The following NFKB1 variants were observed in gnomAD, a reference collection of about 807,000 sequenced individuals.
NFKB1 encodes the protein nuclear factor NF-kappa-B p105 subunit.
Under a neutral mutation model 105.1 loss-of-function variants are expected in NFKB1, and 9 were observed. The ratio of observed to expected loss-of-function variants is 0.09; its 90% CI spans 0.05 to 0.15. The LOEUF (loss-of-function observed/expected upper bound fraction) is 0.15. Among genes scored for constraint, NFKB1 ranks in the 10% least tolerant of loss-of-function variants. The pLI is 1.00. For missense variants in NFKB1, 830 were observed against 1,203.7 expected, an observed-to-expected ratio of 0.69 and a Z score of 4.59; for synonymous variants, 440 against 442.2, an observed-to-expected ratio of 1.00 and a Z score of 0.06.
chr4:102,524,529 G>A (rs563250330), intron 1 of NFKB1, among the ~76,000 whole-genome samples: 2 of 152,132 alleles, frequency 1.3e-5, no homozygotes, highest in African/African-American at 2.4e-5. Flanking sequence ...CAGACTGGGG[G>A]CTGGGGGTGA....
At chr4:102,605,795 T>A (rs1727667653) in intron 16 of NFKB1, among the ~76,000 whole-genome samples, 1 of 152,180 alleles carries the variant, frequency 6.6e-6, no homozygotes, top group Admixed American at 6.5e-5. Flanking sequence ...TTTTATGAAA[T>A]GGGTGTAGGA....
chr4:102,521,562 A>T (rs1740574131), intron 1 of NFKB1, among the ~76,000 whole-genome samples: 1 of 152,216 alleles, frequency 6.6e-6, no homozygotes, highest in Non-Finnish European at 1.5e-5. Context: ...TTTATTTTTT[A>T]AAATGAAATC....
At chr4:102,522,002 C>T (rs1019311993) in intron 1 of NFKB1, among the ~76,000 whole-genome samples, 1 of 152,162 alleles carries the variant, frequency 6.6e-6, no homozygotes, top group African/African-American at 2.4e-5. Flanking sequence ...AGAGATTAGT[C>T]CCATCTTCTC....
chr4:102,502,406 A>G (rs1404957173), intron 1 of NFKB1, among the ~76,000 whole-genome samples: 6 of 140,580 alleles, frequency 4.3e-5, no homozygotes, highest in African/African-American at 7.8e-5. Flanking sequence ...ACACACACAC[A>G]CACACACACA....
chr4:102,598,348 C>G (rs374358749), intron 15 of NFKB1, among the ~76,000 whole-genome samples: 8 of 152,328 alleles, frequency 5.3e-5, no homozygotes, highest in South Asian at 2.1e-4. Context: ...ATAAAAATAA[C>G]AAGAGACAGC....
At chr4:102,578,125 GCT>G (rs1020526588) in intron 7 of NFKB1, 2 of 315,428 alleles carry the variant, frequency 6.3e-6, no homozygotes, top group African/African-American at 4.5e-5. Flanking sequence ...TTCTATTTTT[GCT>G]CTCTCCTCTT....
chr4:102,574,288 G>A (rs577407648), intron 6 of NFKB1, among the ~76,000 whole-genome samples: 1 of 152,268 alleles, frequency 6.6e-6, no homozygotes, highest in African/African-American at 2.4e-5. Context: ...TGACATCATT[G>A]CTAAGGCAGT....
intron 5 of NFKB1, 95 bp from the exon 6 acceptor site, chr4:102,566,892 A>G (rs992352219): frequency 5.4e-6 from 7 of 1,288,880 alleles, no homozygotes; most frequent in Non-Finnish European, 7.7e-6. Context: ...ATAACTTTAT[A>G]TTGTACTTTT....
chr4:102,589,473 G>GTT (rs946828956), intron 11 of NFKB1, among the ~76,000 whole-genome samples: 1 of 145,298 alleles, frequency 6.9e-6, no homozygotes. Context: ...GGCAACCTTG[G>GTT]TTTTTTTTTT....
chr4:102,614,593 G>A (rs1292800056), intron 23 of NFKB1, among the ~76,000 whole-genome samples: 2 of 152,032 alleles, frequency 1.3e-5, no homozygotes. Context: ...CTGCAGTTGG[G>A]ATCGCATCCC....
intron 2 of NFKB1, 137 bp downstream of exon 2, chr4:102,525,694 C>G (rs1007474764): frequency 1.1e-5 from 8 of 746,150 alleles, no homozygotes; most frequent in Non-Finnish European, 1.5e-5. Flanking sequence ...TTTCTCTGTC[C>G]TTTCATGTGA....
chr4:102,545,481 T>C (rs67517559), intron 5 of NFKB1, among the ~76,000 whole-genome samples: 2,704 of 152,210 alleles, frequency 0.018, 39 homozygotes, highest in African/African-American at 0.045. Flanking sequence ...AATGAGGAAA[T>C]TGAAGCCTAG....
intron 4 of NFKB1, among the ~76,000 whole-genome samples, chr4:102,536,240 T>A (rs915095421): frequency 6.6e-6 from 1 of 152,152 alleles, no homozygotes; most frequent in Admixed American, 6.6e-5. Flanking sequence ...AAATTATTTT[T>A]AAATATGAAT....
At chr4:102,598,746 C>T (rs1726865065) in intron 15 of NFKB1, among the ~76,000 whole-genome samples, 1 of 152,188 alleles carries the variant, frequency 6.6e-6, no homozygotes, top group African/African-American at 2.4e-5. Flanking sequence ...AGTGGCATTT[C>T]CAGGGACCTG....
intron 16 of NFKB1, among the ~76,000 whole-genome samples, chr4:102,602,374 CAAAAA>C (rs766610640): frequency 4.8e-4 from 55 of 113,664 alleles, no homozygotes; most frequent in African/African-American, 1.6e-3. Context: ...ACTAGAAATA[CAAAAA>C]AAAAAAAAAA....
At chr4:102,577,754 C>G (rs1724974822) in intron 7 of NFKB1, 2 of 907,666 alleles carry the variant, frequency 2.2e-6, no homozygotes, top group African/African-American at 1.8e-5. Flanking sequence ...CTGACTCCCC[C>G]TCCTCGCCTG....
At chr4:102,524,756 C>T (rs1170121009) in intron 1 of NFKB1, among the ~76,000 whole-genome samples, 1 of 152,108 alleles carries the variant, frequency 6.6e-6, no homozygotes, top group Non-Finnish European at 1.5e-5. Context: ...GCGTTAGATT[C>T]TCATAAGGAG....
At chr4:102,566,567 G>T (rs958100986) in intron 5 of NFKB1, among the ~76,000 whole-genome samples, 8 of 152,142 alleles carry the variant, frequency 5.3e-5, no homozygotes, top group African/African-American at 1.9e-4. Flanking sequence ...TTCTTCCTTT[G>T]ATTTCCATCA....
intron 2 of NFKB1, among the ~76,000 whole-genome samples, chr4:102,526,502 CA>C (rs536029847): frequency 9.3e-5 from 14 of 150,974 alleles, no homozygotes; most frequent in Middle Eastern, 3.4e-3. Flanking sequence ...CAATTTATAC[CA>C]AAAAAAAATT....
Sources: gnomAD v4.1 joint callset for allele counts (sites outside exome capture counted in the v4.1 genomes callset) on GRCh38, gnomAD v4.1.1 for gene constraint, MANE v1.5 for transcripts, NCBI Gene and HGNC (gene_info 2026-07-23, HGNC 2026-07-21) for gene names.